PTPRE: variants seen among roughly 807,000 people sequenced by gnomAD.
PTPRE encodes the protein protein tyrosine phosphatase receptor type E.
PTPRE carries 51 observed loss-of-function variants against 102.0 expected under a neutral mutation model. That is an observed-to-expected ratio of 0.50 (90% CI 0.40 to 0.63). PTPRE has a LOEUF of 0.63. Ranked by LOEUF, PTPRE falls within the 30% of genes least tolerant of loss-of-function variation. The pLI, the probability that PTPRE is intolerant of heterozygous loss-of-function variation, is 0.00. For missense variants in PTPRE, 752 were observed against 915.1 expected, an observed-to-expected ratio of 0.82 and a Z score of 2.30; for synonymous variants, 345 against 348.2, an observed-to-expected ratio of 0.99 and a Z score of 0.10.
chr10:127,953,000 G>A (rs1849148274), intron 1 of PTPRE, among the ~76,000 whole-genome samples: 1 of 152,176 alleles, frequency 6.6e-6, no homozygotes, highest in Admixed American at 6.5e-5. Context: ...TATCCCTTCT[G>A]AAGTGAAGGA....
chr10:127,963,153 T>G (rs1006805574), intron 1 of PTPRE, among the ~76,000 whole-genome samples: 1 of 152,066 alleles, frequency 6.6e-6, no homozygotes, highest in Non-Finnish European at 1.5e-5. Flanking sequence ...CATGATATCC[T>G]AGGGTCCTGC....
At chr10:127,917,757 C>T (rs188123079) in intron 1 of PTPRE, among the ~76,000 whole-genome samples, 5 of 152,234 alleles carry the variant, frequency 3.3e-5, no homozygotes, top group East Asian at 1.9e-4. Flanking sequence ...AGGCTGGGCA[C>T]GGTGGCTCAC....
At chr10:128,040,594 C>T (rs931941428) in intron 2 of PTPRE, among the ~76,000 whole-genome samples, 4 of 152,042 alleles carry the variant, frequency 2.6e-5, no homozygotes, top group Non-Finnish European at 5.9e-5. Context: ...GATGAGATCA[C>T]CCTGGGTTCC....
At chr10:128,067,505 CACAT>C (rs1483128208) in intron 11 of PTPRE, among the ~76,000 whole-genome samples, 2 of 152,134 alleles carry the variant, frequency 1.3e-5, no homozygotes, top group African/African-American at 2.4e-5. Context: ...CATTCACCCA[CACAT>C]ACATGCGCAC....
At chr10:127,960,754 T>G (rs1849734405) in intron 1 of PTPRE, among the ~76,000 whole-genome samples, 1 of 152,184 alleles carries the variant, frequency 6.6e-6, no homozygotes, top group Non-Finnish European at 1.5e-5. Context: ...CCGGGCGCGG[T>G]GGCTCACGCC....
At chr10:128,010,080 T>A (rs1164634458) in intron 2 of PTPRE, among the ~76,000 whole-genome samples, 1 of 152,206 alleles carries the variant, frequency 6.6e-6, no homozygotes, top group Non-Finnish European at 1.5e-5. Context: ...CACTCACTTA[T>A]TCATCCCTCA....
chr10:128,075,365 C>T (rs1479367264), intron 17 of PTPRE, among the ~76,000 whole-genome samples: 1 of 152,136 alleles, frequency 6.6e-6, no homozygotes, highest in Non-Finnish European at 1.5e-5. Flanking sequence ...TGGTAGTTTG[C>T]TGCACCTGTC....
intron 2 of PTPRE, among the ~76,000 whole-genome samples, chr10:128,030,517 G>A (rs1846655439): frequency 6.6e-6 from 1 of 152,144 alleles, no homozygotes. Context: ...GTGAGTTGAT[G>A]TGCTGGAGAG....
chr10:128,016,657 G>A (rs1291900815), intron 2 of PTPRE, among the ~76,000 whole-genome samples: 1 of 152,044 alleles, frequency 6.6e-6, no homozygotes, highest in African/African-American at 2.4e-5. Context: ...GTCCCTGGGA[G>A]GTTGGCACAG....
chr10:127,999,019 T>A (rs965762729), intron 2 of PTPRE: 1 of 145,642 alleles, frequency 6.9e-6, no homozygotes, highest in Non-Finnish European at 1.5e-5. Context: ...GAGAAGGTAT[T>A]TCTTCAAAGC....
At chr10:127,995,868 A>T (rs1396980991) in intron 2 of PTPRE, among the ~76,000 whole-genome samples, 1 of 150,682 alleles carries the variant, frequency 6.6e-6, no homozygotes, top group Non-Finnish European at 1.5e-5. Context: ...CACGCAAAGT[A>T]TTGGAGACCA....
At chr10:128,050,460 G>A (rs1848485953) in intron 6 of PTPRE, among the ~76,000 whole-genome samples, 1 of 151,128 alleles carries the variant, frequency 6.6e-6, no homozygotes, top group African/African-American at 2.4e-5. Context: ...TGGATGAGTG[G>A]GAGGGCAGAT....
At chr10:128,024,150 C>A (rs769343732) in intron 2 of PTPRE, among the ~76,000 whole-genome samples, 13 of 152,204 alleles carry the variant, frequency 8.5e-5, no homozygotes, top group Admixed American at 6.5e-5. Context: ...ATGTGACCCC[C>A]ATTCAGGAAC....
chr10:128,057,480 T>C (rs2135920437), intron 7 of PTPRE, among the ~76,000 whole-genome samples: 1 of 152,266 alleles, frequency 6.6e-6, no homozygotes, highest in South Asian at 2.1e-4. Flanking sequence ...CCCTGCTGCA[T>C]TTTTAGGACT....
intron 15 of PTPRE, 151 bp from the exon 16 acceptor site, chr10:128,071,987 A>G (rs753946986): frequency 7.5e-5 from 44 of 583,248 alleles, no homozygotes; most frequent in Non-Finnish European, 3.9e-5. Context: ...CACTTTAATT[A>G]TCGTCTCTCA....
chr10:128,029,011 C>T (rs114069022), intron 2 of PTPRE, among the ~76,000 whole-genome samples: 1,598 of 152,328 alleles, frequency 0.01, 32 homozygotes, highest in African/African-American at 0.037. Context: ...CCACATGCCC[C>T]GTCCTGTGGT....
chr10:127,909,816 G>A (rs1466100950), intron 1 of PTPRE, among the ~76,000 whole-genome samples: 1 of 152,234 alleles, frequency 6.6e-6, no homozygotes, highest in Non-Finnish European at 1.5e-5. Flanking sequence ...GCAAGTGTGT[G>A]TCTGTTGCGT....
chr10:128,056,157 A>G lies in PTPRE; in HGVS notation c.455A>G (p.Glu152Gly), dbSNP rs1414550895. The G allele has an allele frequency of 1.2e-6, 2 of 1,613,098 alleles. No homozygotes were observed. The highest frequency in any genetic ancestry group is 1.7e-6 in the Non-Finnish European group (2 of 1,179,146). ...LPSGHIQGTF[E>G]LANKEENREK... ...TCTGGACACATACAAGGAACTTTTGAACTGGCAAATAAAGAAGAAAACAGA... is the reference window on the plus strand; with the variant it reads ...TCTGGACACATACAAGGAACTTTTGGACTGGCAAATAAAGAAGAAAACAGA... The change falls in exon 7 of 21, where the codon GAA becomes GGA. Residue 152 changes from glutamate (E) to glycine (G), a missense_variant. Transcript: ENST00000254667.
rs1401379982 is a variant in PTPRE, at chr10:128,066,330, A to T, written c.843+136A>T. On this transcript the variant is annotated intron_variant, in intron 11 of 20. Transcript: ENST00000254667. ...GTCGCAGCCCTGGCTGAGAGGGTGC[A>T]GTGGCCAGGCTGTGATAGGCAGACA... The T allele has an allele frequency of 2.8e-6, 4 of 1,404,744 alleles. No individual in the cohort carries two copies. In the Admixed American group the frequency reaches 8.2e-5, roughly 29 times the overall value. The allele number at this position is 1,404,744 out of a possible 1,614,324, so 87.0% of individuals were successfully genotyped here. A position where few individuals can be genotyped will look rare whatever the true frequency, so the allele number is the denominator to read the frequency against.
Sources: allele counts gnomAD v4.1 joint callset (sites outside exome capture counted in the v4.1 genomes callset), GRCh38; gene constraint gnomAD v4.1.1; transcripts MANE v1.5; gene names NCBI Gene and HGNC (gene_info 2026-07-23, HGNC 2026-07-21).